EXOC4: variants seen among roughly 807,000 people sequenced by gnomAD.
EXOC4 encodes SEC8-like 1.
A neutral mutation model predicts 107.2 loss-of-function variants in EXOC4; 71 were observed. The observed-to-expected ratio is 0.66, with a 90% CI of 0.55 to 0.81. The LOEUF is 0.81. Ranked by LOEUF, EXOC4 falls within the 30% of genes least tolerant of loss-of-function variation. EXOC4 has a pLI of 0.00. For missense variants in EXOC4, 1,108 were observed against 1,189.6 expected, an observed-to-expected ratio of 0.93 and a Z score of 1.01; for synonymous variants, 456 against 441.2, an observed-to-expected ratio of 1.03 and a Z score of -0.42.
intron 14 of EXOC4, among the ~76,000 whole-genome samples, chr7:133,987,316 G>A (rs898879937): frequency 2.8e-4 from 42 of 148,858 alleles, no homozygotes; most frequent in Non-Finnish European, 3.0e-5. Flanking sequence ...TAAAAAATTA[G>A]CCAGGCGTGG....
At chr7:133,484,193 A>G in intron 9 of EXOC4, 1 of 1,542,158 alleles carries the variant, frequency 6.5e-7, no homozygotes, top group Non-Finnish European at 8.7e-7. Flanking sequence ...AAAGGATTAA[A>G]AAAATGAGAT....
intron 5 of EXOC4, among the ~76,000 whole-genome samples, chr7:133,352,122 A>G (rs1795924563): frequency 6.6e-6 from 1 of 151,882 alleles, no homozygotes; most frequent in African/African-American, 2.4e-5. Context: ...AAAATGTCCC[A>G]TGTGTACTTG....
chr7:133,608,422 TA>T (rs375355059), intron 9 of EXOC4, among the ~76,000 whole-genome samples: 7 of 151,910 alleles, frequency 4.6e-5, no homozygotes, highest in Admixed American at 1.3e-4. Context: ...GAAATAGGAT[TA>T]AAAAAAGAAT....
At chr7:133,679,538 GTCCGTCCATCCATCCATCCATCCA>G (rs1324812995) in intron 10 of EXOC4, among the ~76,000 whole-genome samples, 2 of 143,048 alleles carry the variant, frequency 1.4e-5, no homozygotes, top group Non-Finnish European at 3.0e-5. Flanking sequence ...CCATCCGTCC[GTCCGTCCATCCATCCATCCATCCA>G]TCCATCCATC....
chr7:133,301,290 G>A (rs1366750502), intron 3 of EXOC4, among the ~76,000 whole-genome samples: 2 of 152,166 alleles, frequency 1.3e-5, no homozygotes, highest in Admixed American at 6.5e-5. Flanking sequence ...CAGAGATTTT[G>A]TGATGTTCTT....
intron 17 of EXOC4, chr7:134,010,282 A>G (rs1794733571): frequency 6.6e-6 from 1 of 152,226 alleles, no homozygotes; most frequent in Admixed American, 6.5e-5. Context: ...AAGACCTTGG[A>G]TATTGACAGG....
chr7:134,096,789 G>T, the EXOC4 span, among the ~76,000 whole-genome samples: 1 of 152,032 alleles, frequency 6.6e-6, no homozygotes, highest in Non-Finnish European at 1.5e-5. Context: ...TTCTAGCCTC[G>T]CTGGCAGCTG....
chr7:133,983,974 G>A (rs1280308825), intron 14 of EXOC4, among the ~76,000 whole-genome samples: 2 of 152,096 alleles, frequency 1.3e-5, no homozygotes, highest in East Asian at 3.9e-4. Flanking sequence ...TTTTTACCAA[G>A]CCTTAGGGAG....
At chr7:133,805,208 T>C (rs1489924132) in intron 10 of EXOC4, among the ~76,000 whole-genome samples, 1 of 152,238 alleles carries the variant, frequency 6.6e-6, no homozygotes, top group Non-Finnish European at 1.5e-5. Context: ...GAAAACTTTG[T>C]GAGTGACTTA....
intron 7 of EXOC4, 21 bp from the exon 8 acceptor site, chr7:133,475,307 C>A: frequency 6.3e-7 from 1 of 1,577,248 alleles, no homozygotes; most frequent in Non-Finnish European, 8.6e-7. Flanking sequence ...TTAACATTAA[C>A]TGATTTATCT....
intron 9 of EXOC4, among the ~76,000 whole-genome samples, chr7:133,583,307 G>A (rs77476097): frequency 0.076 from 11,627 of 152,098 alleles, 618 homozygotes; most frequent in Non-Finnish European, 0.11. Flanking sequence ...AATCTCTTAT[G>A]TGGCCTACTA....
chr7:133,422,026 T>C (rs1383076680), intron 7 of EXOC4, among the ~76,000 whole-genome samples: 1 of 152,190 alleles, frequency 6.6e-6, no homozygotes, highest in African/African-American at 2.4e-5. Context: ...TTTGAGGTAA[T>C]TTTTATGTTA....
In EXOC4 at chr7:133,654,496, C is replaced by T. The variant is rs559165796; in HGVS notation, c.1514+24355C>T. Among the ~76,000 whole-genome samples, 334 of 152,028 alleles carry T rather than the reference C, an allele frequency of 2.2e-3. No homozygotes were observed. The Middle Eastern group carries it at 0.031, about 14-fold the overall frequency. ...TGGTACAGGTGGTGGTTGTAGAAAC[C>T]GAAAAATGGATGGTTAAATGGATTA... On this transcript the variant is annotated intron_variant, in intron 10 of 17. Coordinates refer to ENST00000253861, the MANE Select transcript of EXOC4 (RefSeq NM_021807.4).
At chr7:133,644,861 T>C (rs1406791331) in intron 10 of EXOC4, among the ~76,000 whole-genome samples, 1 of 152,156 alleles carries the variant, frequency 6.6e-6, no homozygotes, top group African/African-American at 2.4e-5. Context: ...AAGATGGGAT[T>C]GTAGAACTCT....
intron 10 of EXOC4, among the ~76,000 whole-genome samples, chr7:133,641,185 A>G (rs1234254827): frequency 6.6e-6 from 1 of 152,174 alleles, no homozygotes; most frequent in Non-Finnish European, 1.5e-5. Flanking sequence ...ACATAGTTGT[A>G]GTGAGTTGGG....
intron 17 of EXOC4, among the ~76,000 whole-genome samples, chr7:134,018,841 T>C (rs1794965687): frequency 6.6e-6 from 1 of 152,240 alleles, no homozygotes; most frequent in Admixed American, 6.5e-5. Flanking sequence ...ATAGACTACC[T>C]GTCAGCAATC....
At chr7:133,956,485 G>A (rs1369701039) in intron 14 of EXOC4, among the ~76,000 whole-genome samples, 2 of 152,176 alleles carry the variant, frequency 1.3e-5, no homozygotes, top group Non-Finnish European at 2.9e-5. Flanking sequence ...GAACAAACCA[G>A]CCCAGATACT....
intron 10 of EXOC4, among the ~76,000 whole-genome samples, chr7:133,688,102 A>G (rs1162040692): frequency 1.3e-5 from 2 of 152,162 alleles, no homozygotes; most frequent in Non-Finnish European, 2.9e-5. Flanking sequence ...TAAAATCGTG[A>G]TTGAGATACT....
chr7:133,283,768 A>G (rs1352695077), intron 2 of EXOC4, among the ~76,000 whole-genome samples: 1 of 152,168 alleles, frequency 6.6e-6, no homozygotes, highest in Middle Eastern at 3.2e-3. Context: ...TCTCTCTCAC[A>G]TCCTGCTCCA....
Sources: allele counts gnomAD v4.1 joint callset (sites outside exome capture counted in the v4.1 genomes callset), GRCh38; gene constraint gnomAD v4.1.1; transcripts MANE v1.5; gene names NCBI Gene and HGNC (gene_info 2026-07-23, HGNC 2026-07-21).